The following MYO3A variants were observed in gnomAD, a reference collection of about 807,000 sequenced individuals.
MYO3A encodes myosin-IIIa.
Under a neutral mutation model 192.7 loss-of-function variants are expected in MYO3A, and 180 were observed. The observed-to-expected ratio is 0.93, with a 90% CI of 0.83 to 1.06. MYO3A has a LOEUF of 1.06. Ranked by LOEUF, MYO3A falls within the 50% of genes least tolerant of loss-of-function variation. The pLI is 0.00. For missense variants in MYO3A, 1,896 were observed against 1,905.0 expected (o/e 1.00, Z 0.09); for synonymous variants, 628 against 645.3 (o/e 0.97, Z 0.41).
intron 22 of MYO3A, 92 bp from the exon 23 acceptor site, chr10:26,147,335 CATA>C (rs1840529519): frequency 7.8e-6 from 10 of 1,287,658 alleles, no homozygotes; most frequent in Non-Finnish European, 1.0e-5. Context: ...AGAGTAAGCT[CATA>C]ATGAGTATCT....
chr10:25,956,878 C>A (rs536909058), intron 4 of MYO3A, among the ~76,000 whole-genome samples: 1 of 152,032 alleles, frequency 6.6e-6, no homozygotes. Context: ...TTTTCCTGAT[C>A]CTCACCATCT....
At chr10:26,076,335 T>C (rs1835574211) in intron 14 of MYO3A, among the ~76,000 whole-genome samples, 1 of 152,176 alleles carries the variant, frequency 6.6e-6, no homozygotes, top group Non-Finnish European at 1.5e-5. Flanking sequence ...ACCCACTTTT[T>C]GATGAGATTG....
At chr10:26,042,506 T>A (rs1439560264) in intron 10 of MYO3A, among the ~76,000 whole-genome samples, 1 of 152,202 alleles carries the variant, frequency 6.6e-6, no homozygotes, top group Admixed American at 6.5e-5. Context: ...TTTATTCTTT[T>A]TTCCTTTGTC....
intron 26 of MYO3A, among the ~76,000 whole-genome samples, chr10:26,162,083 A>T (rs902197225): frequency 6.6e-6 from 1 of 152,238 alleles, no homozygotes; most frequent in Non-Finnish European, 1.5e-5. Flanking sequence ...CATGCAATGT[A>T]AAGTCAGCTG....
chr10:26,139,504 A>G (rs953525726), intron 20 of MYO3A, among the ~76,000 whole-genome samples: 1 of 152,140 alleles, frequency 6.6e-6, no homozygotes, highest in East Asian at 1.9e-4. Flanking sequence ...CTCCCAAAGG[A>G]TTAAAAATAT....
chr10:26,049,263 T>C (rs1392650426), intron 10 of MYO3A, among the ~76,000 whole-genome samples: 1 of 152,076 alleles, frequency 6.6e-6, no homozygotes, highest in East Asian at 1.9e-4. Context: ...AGTCTAATCA[T>C]GAGAAAACAT....
rs1839638083 is a variant in MYO3A at position 26,133,162 on chromosome 10, A to G, written c.2262+4624A>G. Among the ~76,000 whole-genome samples, 3 of 152,210 alleles carry G rather than the reference A, an allele frequency of 2.0e-5. No individual in the cohort carries two copies. In the South Asian group the frequency reaches 6.2e-4, roughly 32 times the overall value. Reference sequence around the variant, plus strand: ...TTCCCTATTAAGTCATATGTGTGCAAATGGTAACATTTGTCCCATTTTAGC... The same window carrying G: ...TTCCCTATTAAGTCATATGTGTGCAGATGGTAACATTTGTCCCATTTTAGC... On this transcript the variant is annotated intron_variant, in intron 20 of 34. Coordinates refer to ENST00000642920, the MANE Select transcript of MYO3A (RefSeq NM_017433.5).
chr10:25,943,843 G>A (rs1294553100), intron 2 of MYO3A, among the ~76,000 whole-genome samples: 1 of 150,186 alleles, frequency 6.7e-6, no homozygotes, highest in East Asian at 2.0e-4. Context: ...CAAATAGTCT[G>A]TGAACAGAGA....
At chr10:25,995,131 C>T (rs7070302) in intron 4 of MYO3A, among the ~76,000 whole-genome samples, 150,841 of 152,332 alleles carry the variant, frequency 0.99, 74,733 homozygotes, top group Middle Eastern at 1. Flanking sequence ...ATTGTCCCTG[C>T]CACTTTCAGG....
At chr10:26,111,156 C>A (rs1184850925) in intron 17 of MYO3A, among the ~76,000 whole-genome samples, 2 of 152,126 alleles carry the variant, frequency 1.3e-5, no homozygotes, top group Non-Finnish European at 2.9e-5. Flanking sequence ...GCATGAGGTG[C>A]TGTGCCTGGT....
Position 26,143,458 on chromosome 10 carries a change from TA to T in MYO3A, c.2276del (p.Asn759MetfsTer18). ...HVFAWEQNEY[L>X]NEDVDARVIE... is the part of the protein sequence containing the mutation. ...TTGTCTTTATTATAGAATGAATACC[TA>T]AATGAAGATGTGGATGCTAGAGTTA... On this transcript the variant is annotated frameshift_variant, in exon 21 of 35. Coordinates refer to ENST00000642920, the MANE Select transcript of MYO3A (RefSeq NM_017433.5). LOFTEE classifies it high-confidence loss of function. The T allele has an allele frequency of 6.2e-7, 1 of 1,611,802 alleles. No individual in the cohort carries two copies. Among genetic ancestry groups the T allele is most frequent in the Non-Finnish European group, 8.5e-7 (1 of 1,177,980 alleles).
At chr10:26,042,140 C>T (rs2176938) in intron 10 of MYO3A, among the ~76,000 whole-genome samples, 21,687 of 152,080 alleles carry the variant, frequency 0.14, 1,811 homozygotes, top group East Asian at 0.35. Context: ...ATATGTCATG[C>T]CACTCTCTAC....
chr10:26,133,688 A>T (rs1336231693), intron 20 of MYO3A, among the ~76,000 whole-genome samples: 2 of 152,186 alleles, frequency 1.3e-5, no homozygotes, highest in East Asian at 1.9e-4. Flanking sequence ...CGAACTCCTG[A>T]GTTCAAGTCA....
chr10:26,179,431 A>G (rs1842504998), intron 31 of MYO3A, among the ~76,000 whole-genome samples: 1 of 152,100 alleles, frequency 6.6e-6, no homozygotes, highest in Non-Finnish European at 1.5e-5. Flanking sequence ...TGCATAGTTC[A>G]CATATATTTC....
At chr10:26,105,517 TTA>T (rs1174089489) in intron 17 of MYO3A, among the ~76,000 whole-genome samples, 2 of 152,120 alleles carry the variant, frequency 1.3e-5, no homozygotes, top group African/African-American at 2.4e-5. Context: ...AATTGTATAT[TTA>T]TATATGTTGC....
At chr10:25,991,893 AC>A (rs1265063261) in intron 4 of MYO3A, among the ~76,000 whole-genome samples, 2 of 152,214 alleles carry the variant, frequency 1.3e-5, no homozygotes, top group African/African-American at 4.8e-5. Context: ...TGGTACCAGT[AC>A]CATGCTGTTT....
intron 31 of MYO3A, among the ~76,000 whole-genome samples, chr10:26,186,541 C>T (rs146126817): frequency 0.02 from 3,003 of 152,286 alleles, 92 homozygotes; most frequent in African/African-American, 0.068. Context: ...GCTGGGATTA[C>T]AGGTGTGAGC....
chr10:26,127,615 A>G (rs1014185991), intron 19 of MYO3A, among the ~76,000 whole-genome samples: 2 of 152,128 alleles, frequency 1.3e-5, no homozygotes, highest in Non-Finnish European at 1.5e-5. Context: ...TCACTTCCTT[A>G]CATAATACTA....
chr10:26,029,988 G>A (rs1842734057), intron 10 of MYO3A, among the ~76,000 whole-genome samples: 1 of 152,090 alleles, frequency 6.6e-6, no homozygotes, highest in African/African-American at 2.4e-5. Context: ...TGCAGATCCA[G>A]TTGCTGAGCC....
Sources: gnomAD v4.1 joint callset for allele counts (sites outside exome capture counted in the v4.1 genomes callset) on GRCh38, gnomAD v4.1.1 for gene constraint, MANE v1.5 for transcripts, NCBI Gene and HGNC (gene_info 2026-07-23, HGNC 2026-07-21) for gene names.